Variants in SPAG16 observed in about 807,000 individuals in gnomAD.
SPAG16 encodes sperm-associated antigen 16 protein.
In SPAG16, 86 loss-of-function variants were observed where a neutral mutation model predicts 80.4. The observed-to-expected ratio is 1.07, with a 90% CI of 0.90 to 1.28. SPAG16 has a LOEUF of 1.28. Among genes scored for constraint, SPAG16 ranks in the 50% most tolerant of loss-of-function variants. SPAG16 has a pLI of 0.00. For synonymous variants in SPAG16, 294 were observed against 265.9 expected, an observed-to-expected ratio of 1.11 and a Z score of -1.03; for missense variants, 870 against 765.3, an observed-to-expected ratio of 1.14 and a Z score of -1.61.
chr2:213,974,162 A>G (rs1422396870), intron 12 of SPAG16, among the ~76,000 whole-genome samples: 1 of 152,158 alleles, frequency 6.6e-6, no homozygotes, highest in Non-Finnish European at 1.5e-5. Context: ...GGTGGAAGAT[A>G]GAGCCAGATG....
intron 15 of SPAG16, among the ~76,000 whole-genome samples, chr2:214,311,397 C>T (rs1695306175): frequency 6.6e-6 from 1 of 152,144 alleles, no homozygotes; most frequent in African/African-American, 2.4e-5. Context: ...TGAGTGTGAG[C>T]ACACATGGAG....
intron 9 of SPAG16, among the ~76,000 whole-genome samples, chr2:213,435,429 G>A (rs1232218529): frequency 2.0e-5 from 3 of 152,020 alleles, no homozygotes; most frequent in Non-Finnish European, 2.9e-5. Flanking sequence ...TTACTTAATG[G>A]GTACAATGTA....
intron 15 of SPAG16, among the ~76,000 whole-genome samples, chr2:214,235,132 A>T (rs116579386): frequency 0.017 from 2,552 of 152,302 alleles, 44 homozygotes; most frequent in African/African-American, 0.039. Context: ...TGATATTCAT[A>T]AAAAGATTGT....
chr2:213,559,219 T>A (rs2059526410), intron 10 of SPAG16, among the ~76,000 whole-genome samples: 1 of 152,112 alleles, frequency 6.6e-6, no homozygotes, highest in African/African-American at 2.4e-5. Flanking sequence ...TCCTGAACCG[T>A]CTCTGAATTA....
intron 15 of SPAG16, among the ~76,000 whole-genome samples, chr2:214,185,366 T>C (rs750740314): frequency 3.0e-4 from 46 of 152,064 alleles, no homozygotes; most frequent in Non-Finnish European, 5.3e-4. Context: ...TCTTAGTTAC[T>C]GGGTAGAAGC....
intron 5 of SPAG16, among the ~76,000 whole-genome samples, chr2:213,338,588 G>A (rs1041766891): frequency 1.3e-5 from 2 of 152,044 alleles, no homozygotes; most frequent in East Asian, 1.9e-4. Flanking sequence ...CACTATTTAC[G>A]ATCACAAAGA....
chr2:213,978,351 T>G (rs969488487), intron 12 of SPAG16, among the ~76,000 whole-genome samples: 1 of 152,116 alleles, frequency 6.6e-6, no homozygotes, highest in Non-Finnish European at 1.5e-5. Flanking sequence ...AACAAGAATA[T>G]TCTTTCCTCA....
intron 15 of SPAG16, among the ~76,000 whole-genome samples, chr2:214,278,080 C>G (rs986625719): frequency 1.3e-5 from 2 of 152,222 alleles, no homozygotes; most frequent in Non-Finnish European, 2.9e-5. Context: ...GACTGCTGCA[C>G]TAGCAGTGAG....
chr2:213,978,190 A>G (rs6738701), intron 12 of SPAG16, among the ~76,000 whole-genome samples: 8 of 152,100 alleles, frequency 5.3e-5, no homozygotes, highest in Admixed American at 3.9e-4. Flanking sequence ...TCCTTAACTG[A>G]TAAGTCTCCT....
intron 11 of SPAG16, among the ~76,000 whole-genome samples, chr2:213,896,608 A>ACACC (rs1441610177): frequency 6.7e-6 from 1 of 150,074 alleles, no homozygotes; most frequent in African/African-American, 2.4e-5. Flanking sequence ...ACACACACAC[A>ACACC]CACACACATA....
At chr2:213,509,658 A>T (rs2075141124) in intron 10 of SPAG16, among the ~76,000 whole-genome samples, 1 of 152,208 alleles carries the variant, frequency 6.6e-6, no homozygotes, top group Non-Finnish European at 1.5e-5. Flanking sequence ...TCTGGGACAC[A>T]TTCAAAGCAG....
chr2:214,031,209 CTG>C (rs995510415), intron 13 of SPAG16, among the ~76,000 whole-genome samples: 1 of 151,640 alleles, frequency 6.6e-6, no homozygotes, highest in Non-Finnish European at 1.5e-5. Flanking sequence ...CCATGATAGA[CTG>C]GATTAAGAAA....
chr2:214,200,259 T>G (rs752820450), intron 15 of SPAG16, among the ~76,000 whole-genome samples: 1 of 152,198 alleles, frequency 6.6e-6, no homozygotes, highest in Non-Finnish European at 1.5e-5. Flanking sequence ...AAGGTAAGTC[T>G]GTTCTATGCC....
intron 7 of SPAG16, among the ~76,000 whole-genome samples, chr2:213,362,676 A>G (rs1457803828): frequency 1.3e-5 from 2 of 152,220 alleles, no homozygotes; most frequent in East Asian, 1.9e-4. Context: ...ATCTAGGGCT[A>G]TTCTGTAAAA....
chr2:213,481,623 A>C (rs2073754179), intron 9 of SPAG16, among the ~76,000 whole-genome samples: 1 of 152,198 alleles, frequency 6.6e-6, no homozygotes, highest in South Asian at 2.1e-4. Context: ...CCTGGGGATT[A>C]TGGGGGCAAC....
intron 15 of SPAG16, among the ~76,000 whole-genome samples, chr2:214,326,671 C>T (rs965683902): frequency 3.9e-5 from 6 of 152,156 alleles, no homozygotes; most frequent in Middle Eastern, 3.4e-3. Context: ...TCCGGCCGGG[C>T]GCGGTGGCTC....
intron 10 of SPAG16, among the ~76,000 whole-genome samples, chr2:213,501,005 A>G (rs2074717805): frequency 6.6e-6 from 1 of 152,180 alleles, no homozygotes. Context: ...CCGTTCCCAG[A>G]GGGGAAAAAG....
Position 213,674,630 on chromosome 2 carries a change from C to A in SPAG16, c.1070+184540C>A, listed in dbSNP as rs1318352479. The stretch of plus-strand genomic sequence containing the variant: ...ATTCCCACCTATGAGTGAGAATATG[C>A]AGTGTTTGGTTTTTTGTCCTTGCGA... On this transcript the variant is annotated intron_variant, in intron 10 of 15. Coordinates refer to ENST00000331683, the MANE Select transcript of SPAG16 (RefSeq NM_024532.5). Among the ~76,000 whole-genome samples the A allele has an allele frequency of 7.2e-4, 108 of 149,228 alleles. 9 individuals carry two copies. The highest frequency in any genetic ancestry group is 1.9e-3 in the African/African-American group (75 of 38,814).
intron 11 of SPAG16, among the ~76,000 whole-genome samples, chr2:213,868,382 G>C (rs1032070397): frequency 6.6e-6 from 1 of 151,966 alleles, no homozygotes; most frequent in Non-Finnish European, 1.5e-5. Context: ...TACAGTGGTT[G>C]AACTTCCTTA....
Sources: allele counts gnomAD v4.1 joint callset (sites outside exome capture counted in the v4.1 genomes callset), GRCh38; gene constraint gnomAD v4.1.1; transcripts MANE v1.5; gene names NCBI Gene and HGNC (gene_info 2026-07-23, HGNC 2026-07-21).